The following CFAP20DC variants were observed in gnomAD, a reference collection of about 807,000 sequenced individuals.
The protein encoded by CFAP20DC is CFAP20 domain containing.
CFAP20DC carries 84 observed loss-of-function variants against 101.7 expected under a neutral mutation model. The observed-to-expected ratio is 0.83, with a 90% CI of 0.69 to 0.99. The LOEUF is 0.99. CFAP20DC is among the 50% of genes least tolerant of loss of function. The pLI, the probability that CFAP20DC is intolerant of heterozygous loss-of-function variation, is 0.00. For missense variants in CFAP20DC, 1,007 were observed against 970.3 expected (o/e 1.04, Z -0.50); for synonymous variants, 359 against 351.2 (o/e 1.02, Z -0.25).
At chr3:59,028,599 G>GGCA (rs1196102942) in intron 4 of CFAP20DC, among the ~76,000 whole-genome samples, 2 of 152,200 alleles carry the variant, frequency 1.3e-5, no homozygotes, top group Non-Finnish European at 2.9e-5. Context: ...AAGGCAGCGT[G>GGCA]GCAAGGGAGT....
chr3:58,723,528 G>T (rs893725284), intron 3 of CFAP20DC, among the ~76,000 whole-genome samples: 1 of 152,204 alleles, frequency 6.6e-6, no homozygotes, highest in Non-Finnish European at 1.5e-5. Flanking sequence ...AAACAAGAAG[G>T]ATTCTTGTAC....
At chr3:58,865,409 A>G (rs2079602128) in intron 11 of CFAP20DC, among the ~76,000 whole-genome samples, 1 of 152,232 alleles carries the variant, frequency 6.6e-6, no homozygotes, top group African/African-American at 2.4e-5. Context: ...TGATCAATGT[A>G]TACTTCCTAG....
chr3:58,784,129 T>C (rs2072102610), intron 15 of CFAP20DC, among the ~76,000 whole-genome samples: 1 of 151,912 alleles, frequency 6.6e-6, no homozygotes, highest in South Asian at 2.1e-4. Flanking sequence ...CATTTTTATG[T>C]CCATGGGTAT....
intron 4 of CFAP20DC, among the ~76,000 whole-genome samples, chr3:59,010,347 G>A (rs1206555698): frequency 6.6e-6 from 1 of 151,928 alleles, no homozygotes; most frequent in African/African-American, 2.4e-5. Flanking sequence ...ATAAACTTTG[G>A]GTAAAGGTGT....
intron 6 of CFAP20DC, among the ~76,000 whole-genome samples, chr3:58,888,737 C>T (rs1479132167): frequency 6.6e-6 from 1 of 152,202 alleles, no homozygotes; most frequent in East Asian, 1.9e-4. Context: ...AGATCTGGTT[C>T]CATGTCGTTG....
chr3:58,838,847 A>C (rs2076912025), intron 13 of CFAP20DC, among the ~76,000 whole-genome samples: 1 of 152,226 alleles, frequency 6.6e-6, no homozygotes, highest in African/African-American at 2.4e-5. Flanking sequence ...ACTAGAAGGA[A>C]TATAGTAAAA....
intron 3 of CFAP20DC, chr3:58,727,781 C>G (rs9825139): frequency 0.12 from 18,337 of 152,172 alleles, 1,983 homozygotes; most frequent in East Asian, 0.35. Context: ...CTCTTGACTT[C>G]AATCTATTGG....
In CFAP20DC at chr3:58,950,868, A is replaced by G. The variant is rs1481946394; in HGVS notation, c.279-13106T>C. Among the ~76,000 whole-genome samples the G allele has an allele frequency of 3.9e-5, 6 of 152,328 alleles. No individual in the cohort carries two copies. The East Asian group carries it at 1.2e-3, about 29-fold the overall frequency. On this transcript the variant is annotated intron_variant, in intron 4 of 16. Coordinates refer to ENST00000482387, the MANE Select transcript of CFAP20DC (RefSeq NM_001394063.1). ...AGGCATGGGCAAGGACTTCATGTCT[A>G]AAACACCAAAAGCAATGGCAACAAA...
chr3:58,771,127 C>T (rs377705992), intron 15 of CFAP20DC, among the ~76,000 whole-genome samples: 1 of 152,072 alleles, frequency 6.6e-6, no homozygotes, highest in Non-Finnish European at 1.5e-5. Flanking sequence ...TGGAAACTGT[C>T]ATTCTCAGCA....
At chr3:59,047,752 C>G (rs2109328971) in intron 1 of CFAP20DC, among the ~76,000 whole-genome samples, 1 of 152,214 alleles carries the variant, frequency 6.6e-6, no homozygotes, top group African/African-American at 2.4e-5. Flanking sequence ...CTTGATTCTC[C>G]ATCTGTAAAA....
intron 4 of CFAP20DC, among the ~76,000 whole-genome samples, chr3:58,963,853 G>A (rs569461174): frequency 1.3e-5 from 2 of 152,236 alleles, no homozygotes; most frequent in South Asian, 2.1e-4. Flanking sequence ...GACAGGACAG[G>A]AGGTCAGACA....
intron 7 of CFAP20DC, among the ~76,000 whole-genome samples, chr3:58,878,089 T>G (rs938067038): frequency 3.3e-5 from 5 of 152,172 alleles, no homozygotes; most frequent in Admixed American, 3.3e-4. Context: ...TAAACTATTT[T>G]AATTAAAAAC....
intron 7 of CFAP20DC, among the ~76,000 whole-genome samples, chr3:58,879,550 C>T (rs978111628): frequency 2.0e-5 from 3 of 152,126 alleles, no homozygotes; most frequent in Non-Finnish European, 4.4e-5. Flanking sequence ...TACTGAGCTC[C>T]TGGTAAGTAC....
At chr3:58,948,174 G>A (rs2089608330) in intron 4 of CFAP20DC, among the ~76,000 whole-genome samples, 1 of 152,220 alleles carries the variant, frequency 6.6e-6, no homozygotes, top group Non-Finnish European at 1.5e-5. Context: ...GGAGTGGACT[G>A]CCACAATGAC....
chr3:58,813,057 T>G (rs2074797978), intron 14 of CFAP20DC, among the ~76,000 whole-genome samples: 1 of 151,850 alleles, frequency 6.6e-6, no homozygotes. Context: ...AAATATAATT[T>G]CTATTACCAC....
chr3:58,789,674 A>G (rs1408963711), intron 15 of CFAP20DC, among the ~76,000 whole-genome samples: 1 of 152,202 alleles, frequency 6.6e-6, no homozygotes, highest in Admixed American at 6.5e-5. Context: ...TCAGTTAATG[A>G]AAAATATTGT....
chr3:59,049,126 T>C (rs1700109562), intron 1 of CFAP20DC, among the ~76,000 whole-genome samples: 1 of 152,262 alleles, frequency 6.6e-6, no homozygotes, highest in Non-Finnish European at 1.5e-5. Flanking sequence ...TGAGATTCAC[T>C]GACTCCCAGT....
At chr3:58,972,742 A>G (rs1384738802) in intron 4 of CFAP20DC, among the ~76,000 whole-genome samples, 1 of 152,156 alleles carries the variant, frequency 6.6e-6, no homozygotes, top group Non-Finnish European at 1.5e-5. Flanking sequence ...TCAGTTCTAT[A>G]CTCAATTTGT....
At chr3:59,028,727 A>G (rs1264953401) in intron 4 of CFAP20DC, among the ~76,000 whole-genome samples, 1 of 152,196 alleles carries the variant, frequency 6.6e-6, no homozygotes, top group Non-Finnish European at 1.5e-5. Flanking sequence ...AAACAGAGGT[A>G]ATAATTATGC....
Sources: allele counts gnomAD v4.1 joint callset (sites outside exome capture counted in the v4.1 genomes callset), GRCh38; gene constraint gnomAD v4.1.1; transcripts MANE v1.5; gene names NCBI Gene and HGNC (gene_info 2026-07-23, HGNC 2026-07-21).